CDC42: variants seen among roughly 807,000 people sequenced by gnomAD.
CDC42 encodes the protein cell division control protein 42 homolog.
Under a neutral mutation model 20.8 loss-of-function variants are expected in CDC42, and 1 was observed. That is an observed-to-expected ratio of 0.05 (90% CI 0.02 to 0.23). CDC42 has a LOEUF of 0.23. Ranked by LOEUF, CDC42 falls within the 10% of genes least tolerant of loss-of-function variation. The probability of loss-of-function intolerance (pLI) is 1.00; values close to 1 mark genes in which losing one functional copy is unlikely to be tolerated. For synonymous variants in CDC42, 72 were observed against 84.8 expected (o/e 0.85, Z 0.83); for missense variants, 49 against 227.9 (o/e 0.21, Z 5.05).
At chr1:22,061,644 A>G (rs1336990602) in intron 1 of CDC42, among the ~76,000 whole-genome samples, 1 of 140,618 alleles carries the variant, frequency 7.1e-6, no homozygotes, top group Non-Finnish European at 1.5e-5. Context: ...CCCGGGTTCA[A>G]GCAATTCTCC....
At chr1:22,086,327 A>C in intron 3 of CDC42, 112 bp from the exon 4 acceptor site, 1 of 666,680 alleles carries the variant, frequency 1.5e-6, no homozygotes, top group Non-Finnish European at 2.7e-6. Flanking sequence ...AAAGCCATAC[A>C]TTTTATTAGA....
At position 22,093,029 on chromosome 1, in the gene CDC42, A is replaced by G. The variant is rs561172013; in HGVS notation, c.*1512A>G. ...GGGAATTTGACTCTTGATAACATCA[A>G]TTTCTAACAAACTTTGGGATAAAAT... On this transcript the variant is annotated 3_prime_UTR_variant, in exon 6 of 6. Coordinates refer to ENST00000656825, the MANE Select transcript of CDC42 (RefSeq NM_001791.4). 1.3e-5 allele frequency: 2 copies of G among 152,722 alleles called. No individual in the cohort carries two copies. The highest frequency in any genetic ancestry group is 4.8e-5 in the African/African-American group (2 of 41,572). The allele number at this position is 152,722 out of a possible 1,614,324, so 9.5% of individuals were successfully genotyped here.
At chr1:22,071,047 T>TTTC (rs1314318823) in intron 1 of CDC42, among the ~76,000 whole-genome samples, 3 of 856 alleles carry the variant, frequency 3.5e-3, no homozygotes, top group African/African-American at 0.036. Context: ...TTTTTCTTTC[T>TTTC]TTTTTTTTTT....
At chr1:22,084,578 C>T (rs1011485608) in intron 3 of CDC42, among the ~76,000 whole-genome samples, 4 of 151,862 alleles carry the variant, frequency 2.6e-5, no homozygotes, top group African/African-American at 7.3e-5. Flanking sequence ...TCTCTTATCA[C>T]ATACACGATT....
At position 22,099,017 on chromosome 1, in the gene CDC42, G is replaced by C. The variant is rs949818647; in HGVS notation, c.*7500G>C. Among the ~76,000 whole-genome samples the C allele has an allele frequency of 6.6e-6, 1 of 152,174 alleles. No individual in the cohort carries two copies. Among genetic ancestry groups the C allele is most frequent in the African/African-American group, 2.4e-5 (1 of 41,432 alleles). ...GATCCTCCCACCTCGGCCTCCCAAC[G>C]TGCTGGGATTACAGGCATTAGCCAC... is the stretch of plus-strand genomic sequence containing the variant. On this transcript the variant is annotated 3_prime_UTR_variant, in exon 6 of 6. Transcript: ENST00000656825.
At chr1:22,078,654 T>A (rs1645576195) in intron 2 of CDC42, 71 bp downstream of exon 2, 1 of 1,552,752 alleles carries the variant, frequency 6.4e-7, no homozygotes, top group Non-Finnish European at 8.7e-7. Context: ...ACGCTTTCTC[T>A]ATGTGTACTG....
chr1:22,079,775 C>T (rs1030399091), intron 2 of CDC42, among the ~76,000 whole-genome samples: 5 of 152,120 alleles, frequency 3.3e-5, no homozygotes, highest in East Asian at 3.9e-4. Flanking sequence ...CTGTTTCAGT[C>T]TCCATTGAAG....
intron 1 of CDC42, among the ~76,000 whole-genome samples, chr1:22,058,548 T>C (rs914394976): frequency 6.6e-6 from 1 of 151,512 alleles, no homozygotes; most frequent in Non-Finnish European, 1.5e-5. Flanking sequence ...AATGGCATGA[T>C]CTCCACTCAC....
At chr1:22,059,922 A>G (rs1645344793) in intron 1 of CDC42, among the ~76,000 whole-genome samples, 1 of 152,192 alleles carries the variant, frequency 6.6e-6, no homozygotes, top group Non-Finnish European at 1.5e-5. Context: ...GTGTAGGAGA[A>G]ATTCTCCAGG....
chr1:22,076,732 T>C (rs1336133327), intron 1 of CDC42, among the ~76,000 whole-genome samples: 2 of 152,148 alleles, frequency 1.3e-5, no homozygotes. Context: ...AATTGATTGA[T>C]CTTAGGGATC....
intron 5 of CDC42, 76 bp downstream of exon 5, chr1:22,086,942 C>A: frequency 1.6e-6 from 2 of 1,234,294 alleles, no homozygotes; most frequent in Non-Finnish European, 1.2e-6. Context: ...GGAGTTATTT[C>A]TAACAGTGAT....
At position 22,096,819 on chromosome 1, in the gene CDC42, A is replaced by T. The variant is rs1645761703; in HGVS notation, c.*5302A>T. Among the ~76,000 whole-genome samples the T allele has an allele frequency of 6.6e-6, 1 of 152,258 alleles. No individual in the cohort carries two copies. The highest frequency in any genetic ancestry group is 1.5e-5 in the Non-Finnish European group (1 of 68,050). On this transcript the variant is annotated 3_prime_UTR_variant, in exon 6 of 6. Coordinates refer to ENST00000656825, the MANE Select transcript of CDC42 (RefSeq NM_001791.4). The stretch of plus-strand genomic sequence containing the variant: ...GTGATTTTATTTTCCAAAGCAAGGC[A>T]TTTGGTTGCTACCTGCTAGAACTGT...
At chr1:22,091,208 T>A (rs1022646929) in intron 5 of CDC42, among the ~76,000 whole-genome samples, 1 of 152,206 alleles carries the variant, frequency 6.6e-6, no homozygotes, top group African/African-American at 2.4e-5. Context: ...AGGACCACTG[T>A]CTCACTCATG....
At chr1:22,067,251 G>A (rs1645434633) in intron 1 of CDC42, among the ~76,000 whole-genome samples, 1 of 152,162 alleles carries the variant, frequency 6.6e-6, no homozygotes, top group Non-Finnish European at 1.5e-5. Flanking sequence ...TCCTGGGAAG[G>A]ACAATATTGG....
chr1:22,057,919 G>T (rs1372384573), intron 1 of CDC42, among the ~76,000 whole-genome samples: 1 of 151,684 alleles, frequency 6.6e-6, no homozygotes, highest in Non-Finnish European at 1.5e-5. Context: ...AGGTGGGGGG[G>T]TTTCACCATG....
chr1:22,072,091 C>CTTTT (rs55929932), intron 1 of CDC42, among the ~76,000 whole-genome samples: 17 of 70,826 alleles, frequency 2.4e-4, no homozygotes, highest in Non-Finnish European at 3.6e-4. Context: ...TTTTACTTAC[C>CTTTT]TTTTTTTTTT....
At chr1:22,076,701 G>A (rs1408288652) in intron 1 of CDC42, among the ~76,000 whole-genome samples, 3 of 152,170 alleles carry the variant, frequency 2.0e-5, no homozygotes, top group African/African-American at 7.2e-5. Flanking sequence ...TATTATTTGA[G>A]TGCTTTTAGA....
intron 1 of CDC42, among the ~76,000 whole-genome samples, chr1:22,072,090 CCTT>C (rs1372285522): frequency 9.4e-5 from 10 of 106,698 alleles, no homozygotes; most frequent in African/African-American, 3.4e-4. Flanking sequence ...GTTTTACTTA[CCTT>C]TTTTTTTTTT....
chr1:22,064,064 A>G (rs1023289679), intron 1 of CDC42: 1 of 147,566 alleles, frequency 6.8e-6, no homozygotes, highest in Non-Finnish European at 1.5e-5. Context: ...CCTGTGGTGT[A>G]TTATTACTTG....
Sources: gnomAD v4.1 joint callset for allele counts (sites outside exome capture counted in the v4.1 genomes callset) on GRCh38, gnomAD v4.1.1 for gene constraint, MANE v1.5 for transcripts, NCBI Gene and HGNC (gene_info 2026-07-23, HGNC 2026-07-21) for gene names.